Variants in SBF2 observed in about 807,000 individuals in gnomAD.
SBF2 encodes myotubularin-related protein 13.
A neutral mutation model predicts 225.2 loss-of-function variants in SBF2; 112 were observed. That is an observed-to-expected ratio of 0.50 (90% CI 0.43 to 0.58). SBF2 has a LOEUF of 0.58. Ranked by LOEUF, SBF2 falls within the 20% of genes least tolerant of loss-of-function variation. SBF2 has a pLI of 0.00. For synonymous variants in SBF2, 763 were observed against 773.3 expected, an observed-to-expected ratio of 0.99 and a Z score of 0.22; for missense variants, 1,996 against 2,206.2, an observed-to-expected ratio of 0.90 and a Z score of 1.91.
intron 1 of SBF2, among the ~76,000 whole-genome samples, chr11:10,218,191 T>C (rs1958200293): frequency 6.6e-6 from 1 of 152,064 alleles, no homozygotes; most frequent in South Asian, 2.1e-4. Context: ...TGAGCCACAG[T>C]GCCCAGCCGC....
intron 2 of SBF2, among the ~76,000 whole-genome samples, chr11:10,148,302 A>C (rs539137620): frequency 6.6e-6 from 1 of 152,228 alleles, no homozygotes; most frequent in Non-Finnish European, 1.5e-5. Context: ...TCTACTTTTG[A>C]GGACATAATT....
chr11:10,052,584 C>A (rs1361714796), intron 2 of SBF2, among the ~76,000 whole-genome samples: 3 of 152,170 alleles, frequency 2.0e-5, no homozygotes, highest in African/African-American at 7.2e-5. Context: ...TAATGCATTA[C>A]AAACACCCGC....
At position 9,829,449 on chromosome 11, in the gene SBF2, A is replaced by G. The variant is rs777179870; in HGVS notation, c.3700T>C (p.Tyr1234His). 2 of 1,613,502 alleles carry G rather than the reference A, an allele frequency of 1.2e-6. No homozygotes were observed. The highest frequency in any genetic ancestry group is 1.7e-5 in the Admixed American group (1 of 60,016). ...ESSSSIEQEK[Y>H]LQALLNAVSV... ...ACAGCATTCAGTAAGGCTTGCAAGT[A>G]TTTCTCTTGTTCTATGCTACTGGAA... Residue 1234 changes from tyrosine to histidine, a missense_variant, in exon 28 of 40, where the codon TAC (tyrosine) becomes CAC (histidine). Transcript: ENST00000256190.
At chr11:9,832,458 G>T in intron 26 of SBF2, 38 bp from the exon 27 acceptor site, 2 of 1,487,584 alleles carry the variant, frequency 1.3e-6, no homozygotes, top group Middle Eastern at 1.7e-4. Context: ...ATGATTGGGG[G>T]AAGGAACAGA....
At chr11:10,006,079 G>T (rs775870014) in intron 6 of SBF2, among the ~76,000 whole-genome samples, 10 of 152,044 alleles carry the variant, frequency 6.6e-5, no homozygotes, top group Non-Finnish European at 1.5e-4. Context: ...AACTCAAATT[G>T]GCTCTTTTCC....
At chr11:10,298,366 G>A (rs1056301360), upstream of SBF2, among the ~76,000 whole-genome samples, 1 of 152,132 alleles carries the variant, frequency 6.6e-6, no homozygotes, top group Non-Finnish European at 1.5e-5. Context: ...ACTCCAGCCT[G>A]GGCAACAAGA....
rs548576663 is a variant in SBF2 at position 10,229,870 on chromosome 11, T to A, written c.56-35883A>T. 2.6e-5 allele frequency among the ~76,000 whole-genome samples: 4 copies of A among 152,332 alleles called. No homozygotes were observed. In the South Asian group the frequency reaches 8.3e-4, roughly 32 times the overall value. ...TGAGTTCAAGTCCTGGATATCCTTGTTAACTTTCTGTCTGGTTGATCTGTC... is the reference window on the plus strand; with the variant it reads ...TGAGTTCAAGTCCTGGATATCCTTGATAACTTTCTGTCTGGTTGATCTGTC... On this transcript the variant is annotated intron_variant, in intron 1 of 39. Transcript: ENST00000256190.
At chr11:10,220,977 CCT>C (rs561254315) in intron 1 of SBF2, among the ~76,000 whole-genome samples, 119 of 152,266 alleles carry the variant, frequency 7.8e-4, no homozygotes, top group Admixed American at 3.1e-3. Flanking sequence ...TCTTTCATCT[CCT>C]CTCTTTCCTG....
At chr11:10,028,604 A>G (rs745409622) in intron 5 of SBF2, 47 bp from the exon 6 acceptor site, 1 of 1,242,846 alleles carries the variant, frequency 8.0e-7, no homozygotes, top group South Asian at 1.2e-5. Flanking sequence ...GATTTCAGCC[A>G]TTTTTTAAAA....
intron 1 of SBF2, among the ~76,000 whole-genome samples, chr11:10,200,275 G>C (rs1459266065): frequency 6.6e-6 from 1 of 152,166 alleles, no homozygotes; most frequent in Non-Finnish European, 1.5e-5. Flanking sequence ...TAGAGCTCTT[G>C]TGAGGAAGAA....
upstream of SBF2, among the ~76,000 whole-genome samples, chr11:10,299,072 C>T (rs183449143): frequency 3.1e-4 from 47 of 152,298 alleles, 1 homozygote; most frequent in East Asian, 9.1e-3. Flanking sequence ...GGTGTGGTGG[C>T]TCACGCCTGT....
chr11:10,148,404 T>TGGGGGCTATC (rs1241608669), intron 2 of SBF2, among the ~76,000 whole-genome samples: 2 of 152,166 alleles, frequency 1.3e-5, no homozygotes, highest in Non-Finnish European at 2.9e-5. Flanking sequence ...CCTCCATACA[T>TGGGGGCTATC]GGGGGCTATC....
intron 2 of SBF2, among the ~76,000 whole-genome samples, chr11:10,151,430 T>C (rs1194548446): frequency 6.6e-6 from 1 of 152,174 alleles, no homozygotes; most frequent in African/African-American, 2.4e-5. Context: ...ATGGTAAAAG[T>C]GGTATTCAAA....
At chr11:10,195,424 A>T (rs2135335329) in intron 1 of SBF2, among the ~76,000 whole-genome samples, 1 of 152,256 alleles carries the variant, frequency 6.6e-6, no homozygotes, top group Non-Finnish European at 1.5e-5. Flanking sequence ...ATCTAAACTA[A>T]TTCTTGCTAT....
intron 6 of SBF2, among the ~76,000 whole-genome samples, chr11:10,024,037 T>C (rs542336251): frequency 2.6e-5 from 4 of 152,160 alleles, no homozygotes; most frequent in Non-Finnish European, 5.9e-5. Flanking sequence ...TCACCATAGA[T>C]TAGACCACAT....
At chr11:9,931,364 A>G (rs1864486886) in intron 16 of SBF2, among the ~76,000 whole-genome samples, 3 of 152,196 alleles carry the variant, frequency 2.0e-5, no homozygotes. Context: ...GGATCGACAG[A>G]CACCTGATAT....
At chr11:9,805,845 A>G (rs1403802501) in intron 32 of SBF2, among the ~76,000 whole-genome samples, 1 of 152,028 alleles carries the variant, frequency 6.6e-6, no homozygotes, top group East Asian at 1.9e-4. Flanking sequence ...GATGGTTTTG[A>G]TCTCTTACCT....
At chr11:9,900,405 C>T (rs556289361) in intron 16 of SBF2, among the ~76,000 whole-genome samples, 2 of 152,228 alleles carry the variant, frequency 1.3e-5, no homozygotes, top group Admixed American at 6.5e-5. Flanking sequence ...ATACCTGCTC[C>T]GCCCTGACTC....
chr11:10,023,640 C>T (rs1346151535), intron 6 of SBF2, among the ~76,000 whole-genome samples: 1 of 152,070 alleles, frequency 6.6e-6, no homozygotes, highest in Non-Finnish European at 1.5e-5. Context: ...GGTTTTTGTG[C>T]CTGGTTTCTT....
Sources: allele counts gnomAD v4.1 joint callset (sites outside exome capture counted in the v4.1 genomes callset), GRCh38; gene constraint gnomAD v4.1.1; transcripts MANE v1.5; gene names NCBI Gene and HGNC (gene_info 2026-07-23, HGNC 2026-07-21).